Variants in NECAB2 observed in about 807,000 individuals in gnomAD.
NECAB2 encodes the protein N-terminal EF-hand calcium binding protein 2, also known as N-terminal EF-hand calcium-binding protein 2.
A neutral mutation model predicts 51.9 loss-of-function variants in NECAB2; 68 were observed. The observed-to-expected ratio is 1.31, with a 90% confidence interval of 1.08 to 1.60. NECAB2 has a LOEUF of 1.60. Ranked by LOEUF, NECAB2 falls within the 40% of genes most tolerant of loss-of-function variation. NECAB2 has a pLI of 0.00. For synonymous variants in NECAB2, 329 were observed against 203.5 expected, an observed-to-expected ratio of 1.62 and a Z score of -5.25; for missense variants, 854 against 490.3, an observed-to-expected ratio of 1.74 and a Z score of -7.00.
At chr16:83,992,377 T>TCCCC (rs60014664) in intron 6 of NECAB2, among the ~76,000 whole-genome samples, 3,475 of 131,620 alleles carry the variant, frequency 0.026, 110 homozygotes, top group East Asian at 0.054. Context: ...CGAGCACCCG[T>TCCCC]CCCCCCGCCC....
rs549903625 is a variant in NECAB2, at chr16:83,988,832, C to A, written c.460-1662C>A. 1.1e-4 allele frequency among the ~76,000 whole-genome samples: 14 copies of A among 123,470 alleles called. No individual in the cohort carries two copies. The South Asian group carries it at 2.6e-3, about 23-fold the overall frequency. 81.0% of individuals were successfully genotyped at this position (123,470 alleles called of 152,430 possible). ...GTCTCTTGTCTGAGGCAAGCTCAGT[C>A]CCCCCCCATTATGTAATATACCCAT... On this transcript the variant is annotated intron_variant, in intron 5 of 12. Transcript: ENST00000305202.
At chr16:83,977,927 G>GT (rs2084434443) in intron 2 of NECAB2, among the ~76,000 whole-genome samples, 1 of 152,330 alleles carries the variant, frequency 6.6e-6, no homozygotes, top group East Asian at 1.9e-4. Context: ...AAGCTATGGA[G>GT]TGGTGGCTCA....
At chr16:83,993,936 G>A (rs1385967231) in intron 6 of NECAB2, among the ~76,000 whole-genome samples, 1 of 152,100 alleles carries the variant, frequency 6.6e-6, no homozygotes, top group African/African-American at 2.4e-5. Context: ...GAGGGAGGGG[G>A]ACTTGGTCAC....
chr16:83,998,865 A>C (rs112534429), intron 10 of NECAB2, among the ~76,000 whole-genome samples: 76 of 152,274 alleles, frequency 5.0e-4, no homozygotes, highest in African/African-American at 1.8e-3. Flanking sequence ...ATTCCTGTTC[A>C]TCCCACCAGG....
At chr16:83,984,672 A>T (rs896539872) in intron 5 of NECAB2, among the ~76,000 whole-genome samples, 1 of 152,168 alleles carries the variant, frequency 6.6e-6, no homozygotes, top group African/African-American at 2.4e-5. Context: ...TCGAGGCTGC[A>T]GTGAGGCACA....
upstream of NECAB2, among the ~76,000 whole-genome samples, chr16:83,967,999 T>C (rs908366352): frequency 6.0e-5 from 9 of 150,968 alleles, no homozygotes; most frequent in African/African-American, 1.5e-4. Flanking sequence ...GATGGATGGA[T>C]GGACGGACAG....
At chr16:83,983,996 G>GTTTTT (rs552020138) in intron 5 of NECAB2, among the ~76,000 whole-genome samples, 16 of 125,284 alleles carry the variant, frequency 1.3e-4, no homozygotes, top group Non-Finnish European at 2.5e-4. Flanking sequence ...ATATATGGTG[G>GTTTTT]TTTTTTTTTT....
At chr16:83,996,083 C>A (rs900893761) in intron 8 of NECAB2, among the ~76,000 whole-genome samples, 1 of 152,200 alleles carries the variant, frequency 6.6e-6, no homozygotes, top group African/African-American at 2.4e-5. Flanking sequence ...TGGCTTCAGG[C>A]CCCGCCCTTC....
upstream of NECAB2, among the ~76,000 whole-genome samples, chr16:83,966,904 T>A (rs557504459): frequency 9.2e-5 from 14 of 152,102 alleles, no homozygotes; most frequent in East Asian, 2.7e-3. Context: ...TGAGACAGAG[T>A]CTCATTTTGT....
chr16:84,000,280 G>A (rs2084802020), intron 10 of NECAB2, among the ~76,000 whole-genome samples: 1 of 150,584 alleles, frequency 6.6e-6, no homozygotes, highest in Non-Finnish European at 1.5e-5. Context: ...TTGCAATCCT[G>A]GCACTTTGGG....
rs925331 is a variant in NECAB2 at position 83,978,499 on chromosome 16, T to C, written c.282T>C (p.Leu94=). Residue 94 remains leucine, a synonymous_variant, in exon 3 of 13, where the codon CTT becomes CTC. Coordinates refer to ENST00000305202, the MANE Select transcript of NECAB2 (RefSeq NM_019065.3). The stretch of plus-strand genomic sequence containing the variant: ...AGCTCTTCTTTGCAGATGGCGTCCT[T>C]AATGAGAAAGAACTGGAGGATCTCT... ...EFQLFFADGV[L]NEKELEDLFH... The C allele has an allele frequency of 0.14, 233,794 of 1,613,300 alleles. 30,785 individuals are homozygous for C. The highest frequency in any genetic ancestry group is 0.71 in the African/African-American group (52,763 of 74,768).
At chr16:84,000,262 G>A (rs2084801676) in intron 10 of NECAB2, among the ~76,000 whole-genome samples, 1 of 152,166 alleles carries the variant, frequency 6.6e-6, no homozygotes, top group African/African-American at 2.4e-5. Context: ...GGGCACAGTG[G>A]CTGAAGTTTG....
At chr16:83,975,303 A>C (rs1467808670) in intron 2 of NECAB2, among the ~76,000 whole-genome samples, 1 of 136,598 alleles carries the variant, frequency 7.3e-6, no homozygotes, top group Non-Finnish European at 1.6e-5. Flanking sequence ...TGCAGGGATG[A>C]GAGCAGGTGT....
At chr16:83,992,385 C>CCCCCCCCCCCCCCT (rs926988959) in intron 6 of NECAB2, among the ~76,000 whole-genome samples, 1 of 143,956 alleles carries the variant, frequency 6.9e-6, no homozygotes, top group African/African-American at 2.8e-5. Context: ...CGTCCCCCCG[C>CCCCCCCCCCCCCCT]CCACCTCCAT....
chr16:84,000,128 G>C (rs1027914135), intron 10 of NECAB2, among the ~76,000 whole-genome samples: 1 of 151,796 alleles, frequency 6.6e-6, no homozygotes, highest in African/African-American at 2.4e-5. Flanking sequence ...CTGACCTCAC[G>C]TAATCCACCT....
At chr16:83,987,647 G>T (rs542793948) in intron 5 of NECAB2, among the ~76,000 whole-genome samples, 1 of 152,110 alleles carries the variant, frequency 6.6e-6, no homozygotes, top group East Asian at 1.9e-4. Context: ...CTTTTCAAAA[G>T]CATCATTTAA....
chr16:83,993,325 C>T (rs573134229), intron 6 of NECAB2: 5 of 152,322 alleles, frequency 3.3e-5, no homozygotes, highest in South Asian at 2.1e-4. Flanking sequence ...AAGACTCTGC[C>T]AGCCTCTCCC....
In NECAB2 at chr16:83,968,866, C is replaced by T. The variant is rs1454901949; in HGVS notation, c.201+17C>T. On this transcript the variant is annotated intron_variant, in intron 1 of 12. Transcript: ENST00000305202. Reference sequence around the variant, plus strand: ...ATCCTGGACGTGAGTACGCGCCGGCCGGGACCCCCGCCGTGGCCTCCGCTG... The same window carrying T: ...ATCCTGGACGTGAGTACGCGCCGGCTGGGACCCCCGCCGTGGCCTCCGCTG... The T allele has an allele frequency of 1.3e-5, 15 of 1,117,202 alleles. No individual in the cohort carries two copies. The highest frequency in any genetic ancestry group is 1.5e-5 in the Non-Finnish European group (14 of 914,796). The allele number at this position is 1,117,202 out of a possible 1,614,324, so 69.2% of individuals were successfully genotyped here. A position where few individuals can be genotyped will look rare whatever the true frequency, so the allele number is the denominator to read the frequency against.
At chr16:83,981,587 C>G (rs1447894367) in intron 5 of NECAB2, among the ~76,000 whole-genome samples, 1 of 152,126 alleles carries the variant, frequency 6.6e-6, no homozygotes, top group Admixed American at 6.5e-5. Context: ...GTTGCTGTCA[C>G]CTCCACTATC....
Sources: allele counts gnomAD v4.1 joint callset (sites outside exome capture counted in the v4.1 genomes callset), GRCh38; gene constraint gnomAD v4.1.1; transcripts MANE v1.5; gene names NCBI Gene and HGNC (gene_info 2026-07-23, HGNC 2026-07-21).